The following ZNF577 variants were observed in gnomAD, a reference collection of about 807,000 sequenced individuals.
ZNF577 encodes the protein zinc finger protein 577.
A neutral mutation model predicts 13.9 loss-of-function variants in ZNF577; 14 were observed. That is an observed-to-expected ratio of 1.00 (90% confidence interval 0.66 to 1.57). The LOEUF (loss-of-function observed/expected upper bound fraction) is 1.57. ZNF577 is among the 40% of genes most tolerant of loss of function. ZNF577 has a pLI of 0.00. For synonymous variants in ZNF577, 203 were observed against 202.9 expected, an observed-to-expected ratio of 1.00 and a Z score of 0.00; for missense variants, 555 against 579.2, an observed-to-expected ratio of 0.96 and a Z score of 0.43.
chr19:51,830,097 G>A (rs1463128984), intron 9 of ZNF577, among the ~76,000 whole-genome samples: 1 of 149,426 alleles, frequency 6.7e-6, no homozygotes. Flanking sequence ...TATTTATCTG[G>A]TGGAAACCTG....
At chr19:51,805,139 G>C (rs1029926974) in exon 11 of ZNF577, 2 of 152,206 alleles carry the variant, frequency 1.3e-5, no homozygotes, top group Non-Finnish European at 2.9e-5. Context: ...AGTTGGTCAC[G>C]TCCCATGGGC....
chr19:51,827,810 C>A (rs1254179946), intron 9 of ZNF577, among the ~76,000 whole-genome samples: 1 of 152,202 alleles, frequency 6.6e-6, no homozygotes, highest in Non-Finnish European at 1.5e-5. Flanking sequence ...ATTGTCAATT[C>A]TGTATTGTGA....
intron 10 of ZNF577, among the ~76,000 whole-genome samples, chr19:51,807,289 G>C (rs1336877131): frequency 6.6e-6 from 1 of 152,130 alleles, no homozygotes; most frequent in African/African-American, 2.4e-5. Flanking sequence ...AACAGTAGGC[G>C]CTAGATTTCT....
chr19:51,875,791 C>A (rs1299754906), intron 5 of ZNF577, among the ~76,000 whole-genome samples: 1 of 152,178 alleles, frequency 6.6e-6, no homozygotes, highest in African/African-American at 2.4e-5. Flanking sequence ...AAATGGAACT[C>A]ACAGAAAAAG....
chr19:51,859,102 T>C (rs1444873015), intron 5 of ZNF577, among the ~76,000 whole-genome samples: 1 of 152,220 alleles, frequency 6.6e-6, no homozygotes, highest in African/African-American at 2.4e-5. Context: ...AATGTGGAAT[T>C]TGCATTTGGC....
chr19:51,831,316 C>T (rs1323146994), intron 9 of ZNF577, among the ~76,000 whole-genome samples: 1 of 152,112 alleles, frequency 6.6e-6, no homozygotes, highest in Non-Finnish European at 1.5e-5. Context: ...GGGGTTTCAC[C>T]ATGTTGGCCA....
chr19:51,853,087 C>A (rs1323906695), intron 5 of ZNF577, among the ~76,000 whole-genome samples: 6 of 152,108 alleles, frequency 3.9e-5, no homozygotes, highest in Admixed American at 2.0e-4. Context: ...CAGGCACAGG[C>A]CGCCCCACCC....
At chr19:51,860,891 T>C in intron 5 of ZNF577, 1 of 396,364 alleles carries the variant, frequency 2.5e-6, no homozygotes, top group South Asian at 1.8e-5. Context: ...GACTTTCAGA[T>C]TTTAATTTTT....
At chr19:51,843,922 G>A (rs1273699101) in intron 6 of ZNF577, among the ~76,000 whole-genome samples, 5 of 152,192 alleles carry the variant, frequency 3.3e-5, no homozygotes, top group South Asian at 4.1e-4. Flanking sequence ...ACCATTCTGC[G>A]TTCAAAGAAA....
chr19:51,815,148 C>A (rs553755635), intron 9 of ZNF577, among the ~76,000 whole-genome samples: 49 of 152,202 alleles, frequency 3.2e-4, no homozygotes, highest in African/African-American at 1.1e-3. Context: ...GGGCGAGGTC[C>A]CTTGATAGGC....
Position 51,824,391 on chromosome 19 carries a change from T to C in ZNF577, c.*600-12717A>G, listed in dbSNP as rs2122499717. ...CATTATTGGCTTCAGCGTGCCTATG[T>C]CCATCATCACAGTCTGCTATGGGAT... On this transcript the variant is annotated intron_variant and NMD_transcript_variant, in intron 9 of 10. Transcript: ENST00000638827. This position sits in a 1 kb window ranked among gnomAD's most constrained non-coding sequence, Gnocchi z 4.7. 6.2e-7 allele frequency: 1 copy of C among 1,614,146 alleles called. No homozygotes were observed. Among genetic ancestry groups the C allele is most frequent in the Non-Finnish European group, 8.5e-7 (1 of 1,180,008 alleles).
intron 5 of ZNF577, chr19:51,860,786 C>G (rs2084488988): frequency 3.5e-6 from 1 of 288,060 alleles, no homozygotes; most frequent in Admixed American, 6.0e-5. Context: ...TTTGCTATAA[C>G]AAGAAAGATA....
Position 51,855,367 on chromosome 19 carries a change from C to CTGTGTGTGTGTGTGTGTG in ZNF577, c.284-10454_284-10437dup, listed in dbSNP as rs55937420. Among the ~76,000 whole-genome samples, 71 of 143,558 alleles carry CTGTGTGTGTGTGTGTGTG rather than the reference C, an allele frequency of 4.9e-4. 2 individuals carry two copies. Among genetic ancestry groups the CTGTGTGTGTGTGTGTGTG allele is most frequent in the African/African-American group, 1.6e-3 (62 of 38,082 alleles). The allele number at this position is 143,558 out of a possible 152,430, so 94.2% of individuals were successfully genotyped here. ...AGTTTTCCACTCTTTGCTGAGGGTG[C>CTGTGTGTGTGTGTGTGTG]TGTGTGTGTGTGTGTGTGTGTGTGT... On this transcript the variant is annotated intron_variant and NMD_transcript_variant, in intron 5 of 10. Coordinates refer to the ZNF577 transcript ENST00000638827.
intron 9 of ZNF577, among the ~76,000 whole-genome samples, chr19:51,832,611 G>C (rs1022188146): frequency 6.6e-6 from 1 of 151,940 alleles, no homozygotes; most frequent in Non-Finnish European, 1.5e-5. Flanking sequence ...AGAATTCTTT[G>C]GTTAGCTCTT....
At chr19:51,816,064 TAA>T (rs200656360) in intron 9 of ZNF577, among the ~76,000 whole-genome samples, 21,146 of 139,038 alleles carry the variant, frequency 0.15, 1,648 homozygotes, top group Admixed American at 0.22. Context: ...GAGATCCTAT[TAA>T]AAAAAAAAAA....
intron 5 of ZNF577, among the ~76,000 whole-genome samples, chr19:51,847,875 G>A (rs1459023966): frequency 6.6e-6 from 1 of 152,140 alleles, no homozygotes; most frequent in Non-Finnish European, 1.5e-5. Flanking sequence ...TGCTCACTGG[G>A]CTGGATGGCC....
chr19:51,855,222 T>C (rs1364265158), intron 5 of ZNF577, among the ~76,000 whole-genome samples: 1 of 152,228 alleles, frequency 6.6e-6, no homozygotes, highest in African/African-American at 2.4e-5. Context: ...GCGATTGTTG[T>C]TGCAGTTTGT....
chr19:51,816,080 A>C (rs66634805), intron 9 of ZNF577, among the ~76,000 whole-genome samples: 66,838 of 149,594 alleles, frequency 0.45, 15,065 homozygotes, highest in South Asian at 0.52. Flanking sequence ...AAAAAAAAAA[A>C]CCCTTGAGAA....
At chr19:51,823,928 C>A (rs1477884089) in intron 9 of ZNF577, 1 of 1,614,038 alleles carries the variant, frequency 6.2e-7, no homozygotes, top group South Asian at 1.1e-5. Context: ...GCACAGTCAA[C>A]ACCATCTGTT....
Sources: allele counts gnomAD v4.1 joint callset (sites outside exome capture counted in the v4.1 genomes callset), GRCh38; gene constraint gnomAD v4.1.1; non-coding constraint Gnocchi (gnomAD v3.1); transcripts MANE v1.5; gene names NCBI Gene and HGNC (gene_info 2026-07-23, HGNC 2026-07-21).